HMGN3: variants seen among roughly 807,000 people sequenced by gnomAD.
HMGN3 encodes high mobility group nucleosome-binding domain-containing protein 3.
In HMGN3, 6 loss-of-function variants were observed where a neutral mutation model predicts 18.8. That is an observed-to-expected ratio of 0.32 (90% confidence interval 0.18 to 0.63). HMGN3 has a LOEUF of 0.63. HMGN3 is among the 30% of genes least tolerant of loss of function. The probability of loss-of-function intolerance (pLI) is 0.79; values close to 1 mark genes in which losing one functional copy is unlikely to be tolerated. For synonymous variants in HMGN3, 40 were observed against 36.5 expected (o/e 1.10, Z -0.35); for missense variants, 107 against 114.2 (o/e 0.94, Z 0.29).
At chr6:79,234,596 G>T in exon 1 of HMGN3, 1 of 1,608,712 alleles carries the variant, frequency 6.2e-7, no homozygotes, top group Non-Finnish European at 8.5e-7. Context: ...GTAAAGCAAC[G>T]GACTGGAACT....
At chr6:79,233,657 T>A (rs1009922863) in intron 1 of HMGN3, 4 of 152,060 alleles carry the variant, frequency 2.6e-5, no homozygotes, top group African/African-American at 7.2e-5. Context: ...CCGAGGGAGA[T>A]TTGTGTCCCT....
At chr6:79,209,078 A>T (rs187265902) in intron 2 of HMGN3, among the ~76,000 whole-genome samples, 1 of 152,346 alleles carries the variant, frequency 6.6e-6, no homozygotes, top group Admixed American at 6.5e-5. Flanking sequence ...AATGACTACA[A>T]ATCTTGGCAG....
intron 1 of HMGN3, among the ~76,000 whole-genome samples, chr6:79,227,576 G>A (rs1197604698): frequency 6.6e-6 from 1 of 152,134 alleles, no homozygotes; most frequent in Admixed American, 6.6e-5. Context: ...TAAGTTCTTT[G>A]AATTCACTAT....
intron 3 of HMGN3, among the ~76,000 whole-genome samples, chr6:79,204,080 T>G (rs1776284176): frequency 6.6e-6 from 1 of 152,236 alleles, no homozygotes; most frequent in South Asian, 2.1e-4. Flanking sequence ...GACTGCTGCC[T>G]GTGAAGTATT....
chr6:79,234,380 A>AGC (rs35285229), intron 1 of HMGN3, 166 bp downstream of exon 1: 32 of 511,212 alleles, frequency 6.3e-5, no homozygotes, highest in African/African-American at 1.8e-4. Flanking sequence ...TAGGGGGGAC[A>AGC]GAGAGAGGAA....
chr6:79,231,023 T>C (rs1464268826), intron 1 of HMGN3, among the ~76,000 whole-genome samples: 5 of 152,206 alleles, frequency 3.3e-5, no homozygotes, highest in African/African-American at 1.2e-4. Context: ...TAGAGGCAGA[T>C]GGGCTTTCCT....
At chr6:79,226,841 C>T (rs766850908) in intron 1 of HMGN3, among the ~76,000 whole-genome samples, 9 of 152,068 alleles carry the variant, frequency 5.9e-5, no homozygotes, top group Non-Finnish European at 8.8e-5. Flanking sequence ...TCTCAATAGC[C>T]CTGTTTCTGG....
intron 3 of HMGN3, 44 bp from the exon 4 acceptor site, chr6:79,203,674 A>C (rs749937943): frequency 1.4e-6 from 2 of 1,438,864 alleles, no homozygotes; most frequent in South Asian, 2.4e-5. Flanking sequence ...AAAAAAAAAA[A>C]AACTATCAGC....
Position 79,201,591 on chromosome 6 carries a change from T to A in HMGN3, c.*97A>T, listed in dbSNP as rs560675825. The A allele has an allele frequency of 7.1e-5, 59 of 831,962 alleles. 1 individual carries two copies. Among genetic ancestry groups the A allele is most frequent in the South Asian group, 4.5e-4 (30 of 66,124 alleles). 51.5% of individuals were successfully genotyped at this position (831,962 alleles called of 1,614,324 possible). A position where few individuals can be genotyped will look rare whatever the true frequency, so the allele number is the denominator to read the frequency against. On this transcript the variant is annotated 3_prime_UTR_variant, in exon 6 of 6. Coordinates refer to ENST00000344726, the Ensembl canonical transcript of HMGN3. Reference sequence around the variant, plus strand: ...TATTTTCGTATGCCAACTAGTAGAGTCCTAAAAAATTAGCATTTACAAAAT... The same window carrying A: ...TATTTTCGTATGCCAACTAGTAGAGACCTAAAAAATTAGCATTTACAAAAT...
chr6:79,227,184 A>G (rs1394725657), intron 1 of HMGN3, among the ~76,000 whole-genome samples: 2 of 152,192 alleles, frequency 1.3e-5, no homozygotes, highest in Non-Finnish European at 2.9e-5. Context: ...TTAGGAGAAA[A>G]ATATAGGAAA....
At chr6:79,208,516 A>G (rs1776528737) in intron 3 of HMGN3, 31 bp downstream of exon 3, 1 of 1,571,956 alleles carries the variant, frequency 6.4e-7, no homozygotes, top group Non-Finnish European at 8.8e-7. Flanking sequence ...ACTCATAAGA[A>G]CTAACACTGA....
chr6:79,231,105 G>T (rs1777817254), intron 1 of HMGN3, among the ~76,000 whole-genome samples: 1 of 152,194 alleles, frequency 6.6e-6, no homozygotes, highest in Admixed American at 6.5e-5. Flanking sequence ...CCTCATTAGA[G>T]AATTTCTGAT....
chr6:79,217,218 A>G (rs756332545), intron 1 of HMGN3, among the ~76,000 whole-genome samples: 2 of 152,214 alleles, frequency 1.3e-5, no homozygotes, highest in Admixed American at 6.5e-5. Context: ...ATCTACCACA[A>G]TGGCTTTCTA....
intron 3 of HMGN3, among the ~76,000 whole-genome samples, chr6:79,205,120 C>T (rs1776353935): frequency 6.6e-6 from 1 of 152,122 alleles, no homozygotes; most frequent in African/African-American, 2.4e-5. Flanking sequence ...GTGGAAGGTG[C>T]TTATATTGCT....
intron 2 of HMGN3, among the ~76,000 whole-genome samples, chr6:79,208,927 T>G (rs951987331): frequency 3.3e-5 from 5 of 152,218 alleles, no homozygotes; most frequent in Non-Finnish European, 5.9e-5. Flanking sequence ...GAGGTGCTAT[T>G]TAAGAGCTAG....
intron 2 of HMGN3, among the ~76,000 whole-genome samples, chr6:79,210,222 G>A (rs564717335): frequency 7.2e-5 from 11 of 152,274 alleles, no homozygotes; most frequent in Admixed American, 4.6e-4. Flanking sequence ...CGGGCAATAA[G>A]AGGTATCTTG....
intron 2 of HMGN3, among the ~76,000 whole-genome samples, chr6:79,212,880 C>T (rs1776772360): frequency 1.3e-5 from 2 of 152,184 alleles, no homozygotes; most frequent in African/African-American, 2.4e-5. Context: ...CCGAAACCAT[C>T]AGCAAACTAA....
At chr6:79,225,944 T>C (rs2127836814) in intron 1 of HMGN3, among the ~76,000 whole-genome samples, 1 of 152,382 alleles carries the variant, frequency 6.6e-6, no homozygotes, top group African/African-American at 2.4e-5. Flanking sequence ...CAGCCTATAT[T>C]GTAATAAAGA....
chr6:79,226,912 G>A (rs763554179), intron 1 of HMGN3, among the ~76,000 whole-genome samples: 1 of 152,146 alleles, frequency 6.6e-6, no homozygotes, highest in Non-Finnish European at 1.5e-5. Context: ...GAACCCCTAC[G>A]TGATTTGACT....
Sources: gnomAD v4.1 joint callset for allele counts (sites outside exome capture counted in the v4.1 genomes callset) on GRCh38, gnomAD v4.1.1 for gene constraint, MANE v1.5 for transcripts, NCBI Gene and HGNC (gene_info 2026-07-23, HGNC 2026-07-21) for gene names.